Variants in SPAG16 observed in about 807,000 individuals in gnomAD.
SPAG16 encodes the protein sperm associated antigen 16.
SPAG16 carries 86 observed loss-of-function variants against 80.4 expected under a neutral mutation model. The ratio of observed to expected loss-of-function variants is 1.07; its 90% CI spans 0.90 to 1.28. The LOEUF is 1.28. SPAG16 is among the 50% of genes most tolerant of loss of function. The pLI is 0.00. For missense variants in SPAG16, 870 were observed against 765.3 expected (o/e 1.14, Z -1.61); for synonymous variants, 294 against 265.9 (o/e 1.11, Z -1.03).
chr2:214,225,447 G>A (rs537019238), intron 15 of SPAG16, among the ~76,000 whole-genome samples: 2 of 152,024 alleles, frequency 1.3e-5, no homozygotes, highest in African/African-American at 2.4e-5. Context: ...GGGAAGGCAG[G>A]GACACATGGT....
At chr2:213,513,371 A>G (rs2075303125) in intron 10 of SPAG16, among the ~76,000 whole-genome samples, 1 of 152,140 alleles carries the variant, frequency 6.6e-6, no homozygotes, top group Admixed American at 6.6e-5. Flanking sequence ...TGCTTCCAAT[A>G]TTCCATTTCT....
At chr2:214,072,067 T>A (rs1329520136) in intron 13 of SPAG16, among the ~76,000 whole-genome samples, 2 of 152,140 alleles carry the variant, frequency 1.3e-5, no homozygotes, top group Non-Finnish European at 2.9e-5. Context: ...AAGCATTATT[T>A]ACAGGAAGGT....
At chr2:213,366,819 G>A (rs1272006618) in intron 8 of SPAG16, among the ~76,000 whole-genome samples, 1 of 151,950 alleles carries the variant, frequency 6.6e-6, no homozygotes, top group Admixed American at 6.6e-5. Flanking sequence ...TTAAGTTCTA[G>A]GATACAGGTG....
At chr2:213,551,020 T>C (rs1384053049) in intron 10 of SPAG16, among the ~76,000 whole-genome samples, 1 of 152,156 alleles carries the variant, frequency 6.6e-6, no homozygotes, top group African/African-American at 2.4e-5. Flanking sequence ...AATCAAGATA[T>C]TTTAGAAAAA....
At chr2:213,668,081 C>T (rs1403072280) in intron 10 of SPAG16, among the ~76,000 whole-genome samples, 1 of 152,012 alleles carries the variant, frequency 6.6e-6, no homozygotes, top group Non-Finnish European at 1.5e-5. Context: ...GCTGGGATTA[C>T]AGGCATGTGC....
chr2:213,811,467 T>C (rs996825158), intron 10 of SPAG16, among the ~76,000 whole-genome samples: 1 of 152,160 alleles, frequency 6.6e-6, no homozygotes, highest in African/African-American at 2.4e-5. Context: ...GGAAGACTGG[T>C]GTGCTGGCAG....
intron 6 of SPAG16, among the ~76,000 whole-genome samples, chr2:213,340,650 C>T (rs1370837295): frequency 1.3e-5 from 2 of 152,092 alleles, no homozygotes; most frequent in East Asian, 3.9e-4. Flanking sequence ...TCTGCAAATG[C>T]ACCAAGACAT....
At chr2:214,155,508 CTT>C (rs766645682) in intron 15 of SPAG16, among the ~76,000 whole-genome samples, 1 of 145,988 alleles carries the variant, frequency 6.8e-6, no homozygotes, top group Non-Finnish European at 1.5e-5. Context: ...AAAAGATTTA[CTT>C]TTTTTTTTTT....
intron 12 of SPAG16, among the ~76,000 whole-genome samples, chr2:213,970,966 T>C (rs1415071824): frequency 3.3e-5 from 5 of 152,182 alleles, no homozygotes; most frequent in Non-Finnish European, 5.9e-5. Context: ...TGATACCAAA[T>C]AAAGTAATTA....
chr2:213,463,434 A>C (rs1212174621), intron 9 of SPAG16, among the ~76,000 whole-genome samples: 1 of 152,218 alleles, frequency 6.6e-6, no homozygotes, highest in East Asian at 1.9e-4. Flanking sequence ...ATTACAGGCC[A>C]GGAGCTCTAG....
At chr2:213,713,432 C>CCTT (rs2125367630) in intron 10 of SPAG16, among the ~76,000 whole-genome samples, 1 of 152,252 alleles carries the variant, frequency 6.6e-6, no homozygotes, top group Non-Finnish European at 1.5e-5. Flanking sequence ...TACTAAGGGG[C>CCTT]ATTATAAGTG....
intron 10 of SPAG16, among the ~76,000 whole-genome samples, chr2:213,769,698 G>A (rs2069135480): frequency 6.6e-6 from 1 of 152,132 alleles, no homozygotes; most frequent in Non-Finnish European, 1.5e-5. Flanking sequence ...GTCTCTTTCT[G>A]TTTAATTAAA....
chr2:214,236,141 G>C (rs1477852826), intron 15 of SPAG16, among the ~76,000 whole-genome samples: 1 of 152,118 alleles, frequency 6.6e-6, no homozygotes, highest in Non-Finnish European at 1.5e-5. Flanking sequence ...GCTCCCATCT[G>C]AGCTAGGTGT....
At chr2:213,322,900 C>T (rs1198046584) in intron 5 of SPAG16, among the ~76,000 whole-genome samples, 4 of 152,056 alleles carry the variant, frequency 2.6e-5, no homozygotes, top group Non-Finnish European at 5.9e-5. Flanking sequence ...GTGGTGAAGA[C>T]AGGTTGGCTT....
chr2:214,197,331 C>T (rs749394637), intron 15 of SPAG16, among the ~76,000 whole-genome samples: 21 of 151,850 alleles, frequency 1.4e-4, no homozygotes, highest in African/African-American at 2.4e-4. Context: ...CCCATTTTGG[C>T]GTTAATATCA....
chr2:213,426,393 A>G (rs756052748), intron 9 of SPAG16, among the ~76,000 whole-genome samples: 11 of 151,846 alleles, frequency 7.2e-5, no homozygotes, highest in Non-Finnish European at 1.2e-4. Context: ...TAGTACTTTT[A>G]TAGTTTTATA....
intron 15 of SPAG16, among the ~76,000 whole-genome samples, chr2:214,301,459 C>T (rs537394460): frequency 6.6e-6 from 1 of 152,172 alleles, no homozygotes; most frequent in East Asian, 1.9e-4. Context: ...TACTGGAAGT[C>T]CTAACCAAAT....
At chr2:213,407,975 GGA>G (rs113044009) in intron 9 of SPAG16, among the ~76,000 whole-genome samples, 4 of 105,912 alleles carry the variant, frequency 3.8e-5, no homozygotes, top group Admixed American at 9.4e-5. Flanking sequence ...GAGAGAGACA[GGA>G]GAGAGAGAGG....
intron 13 of SPAG16, among the ~76,000 whole-genome samples, chr2:214,044,867 G>A (rs1160848013): frequency 6.6e-6 from 1 of 152,182 alleles, no homozygotes; most frequent in Non-Finnish European, 1.5e-5. Context: ...GAGAGGAATT[G>A]CCCATCCCAG....
Sources: allele counts gnomAD v4.1 joint callset (sites outside exome capture counted in the v4.1 genomes callset), GRCh38; gene constraint gnomAD v4.1.1; transcripts MANE v1.5; gene names NCBI Gene and HGNC (gene_info 2026-07-23, HGNC 2026-07-21).